RYR2: variants seen among roughly 807,000 people sequenced by gnomAD.
RYR2 encodes the protein ryanodine receptor 2, also known as cardiac muscle ryanodine receptor-calcium release channel.
Under a neutral mutation model 601.1 loss-of-function variants are expected in RYR2, and 227 were observed. The observed-to-expected ratio is 0.38, with a 90% CI of 0.34 to 0.42. The LOEUF is 0.42. Ranked by LOEUF, RYR2 falls within the 10% of genes least tolerant of loss-of-function variation. The pLI is 1.00. For synonymous variants in RYR2, 2,223 were observed against 2,175.1 expected (o/e 1.02, Z -0.61); for missense variants, 4,646 against 6,156.5 (o/e 0.75, Z 8.21).
chr1:237,211,677 C>T (rs1238528349), intron 1 of RYR2, among the ~76,000 whole-genome samples: 1 of 152,196 alleles, frequency 6.6e-6, no homozygotes, highest in Admixed American at 6.5e-5. Context: ...TTTGACAGTT[C>T]TCTGAACCAT....
intron 1 of RYR2, among the ~76,000 whole-genome samples, chr1:237,246,243 A>ATG (rs1686816242): frequency 6.6e-6 from 1 of 151,562 alleles, no homozygotes; most frequent in African/African-American, 2.4e-5. Context: ...TTACAGGTGC[A>ATG]TGCCACCAAG....
At chr1:237,333,512 T>C in intron 3 of RYR2, 1 of 434,944 alleles carries the variant, frequency 2.3e-6, no homozygotes, top group Non-Finnish European at 4.6e-6. Context: ...ACCCCTGGGG[T>C]GGTCAGGGTT....
chr1:237,098,464 G>T (rs1667725165), intron 1 of RYR2, among the ~76,000 whole-genome samples: 1 of 151,378 alleles, frequency 6.6e-6, no homozygotes, highest in African/African-American at 2.4e-5. Context: ...AATTTCAGGG[G>T]TACAATCCAG....
chr1:237,417,161 T>C (rs750790233), intron 11 of RYR2, 38 bp downstream of exon 11: 5 of 1,486,410 alleles, frequency 3.4e-6, no homozygotes, highest in Non-Finnish European at 3.8e-6. Context: ...ATGCACCAAG[T>C]GTACCAAATA....
chr1:237,264,871 T>A (rs1461399300), intron 1 of RYR2, among the ~76,000 whole-genome samples: 3 of 144,416 alleles, frequency 2.1e-5, no homozygotes, highest in Admixed American at 1.4e-4. Flanking sequence ...AATTTTTGTA[T>A]TTTTTTTTTT....
At chr1:237,726,251 A>G in intron 74 of RYR2, 22 bp from the exon 75 acceptor site, 1 of 1,531,954 alleles carries the variant, frequency 6.5e-7, no homozygotes, top group Non-Finnish European at 8.9e-7. Context: ...TTTAGCTAAC[A>G]TAACATTTTT....
intron 44 of RYR2, 32 bp downstream of exon 44, chr1:237,635,024 T>G (rs777469352): frequency 7.2e-7 from 1 of 1,388,836 alleles, no homozygotes; most frequent in South Asian, 1.5e-5. Flanking sequence ...TGTGTTTGTC[T>G]GAATTATGCT....
intron 17 of RYR2, among the ~76,000 whole-genome samples, chr1:237,470,850 G>T (rs1660639246): frequency 6.6e-6 from 1 of 151,996 alleles, no homozygotes; most frequent in Admixed American, 6.6e-5. Context: ...GAGAGAGAGG[G>T]AGAGATAGGG....
chr1:237,722,523 T>A (rs1391168723), intron 73 of RYR2, among the ~76,000 whole-genome samples: 1 of 151,620 alleles, frequency 6.6e-6, no homozygotes, highest in East Asian at 1.9e-4. Flanking sequence ...AAGCTCCGCC[T>A]CCCGGGTTCA....
chr1:237,217,406 T>C (rs1683309874), intron 1 of RYR2, among the ~76,000 whole-genome samples: 1 of 152,118 alleles, frequency 6.6e-6, no homozygotes. Flanking sequence ...AATTTTACTT[T>C]TGGATATCAG....
intron 36 of RYR2, among the ~76,000 whole-genome samples, chr1:237,611,347 G>C (rs1677847666): frequency 6.6e-6 from 1 of 152,124 alleles, no homozygotes; most frequent in South Asian, 2.1e-4. Context: ...TGAGATATTA[G>C]AGATGGAATC....
At chr1:237,437,318 CT>C (rs1707501118) in intron 12 of RYR2, among the ~76,000 whole-genome samples, 1 of 152,088 alleles carries the variant, frequency 6.6e-6, no homozygotes. Flanking sequence ...TCCTAAAGTG[CT>C]GGGATTACAG....
intron 16 of RYR2, among the ~76,000 whole-genome samples, chr1:237,458,519 T>A (rs1276252882): frequency 3.3e-5 from 5 of 152,190 alleles, no homozygotes; most frequent in African/African-American, 4.8e-5. Flanking sequence ...TGCCACTAAG[T>A]TTCACCTGTA....
At chr1:237,566,800 G>C (rs1188655472) in intron 28 of RYR2, 25 bp downstream of exon 28, 4 of 1,612,734 alleles carry the variant, frequency 2.5e-6, no homozygotes, top group East Asian at 2.2e-5. Context: ...TCCTGTGCCA[G>C]TCATCTGTAC....
chr1:237,101,047 A>G (rs959662970), intron 1 of RYR2, among the ~76,000 whole-genome samples: 1 of 152,074 alleles, frequency 6.6e-6, no homozygotes, highest in Non-Finnish European at 1.5e-5. Context: ...AAGCCGCATG[A>G]CGGTGCTTTC....
chr1:237,482,192 C>T (rs1184517460), intron 17 of RYR2, among the ~76,000 whole-genome samples: 1 of 152,052 alleles, frequency 6.6e-6, no homozygotes, highest in African/African-American at 2.4e-5. Flanking sequence ...ACAAGCAATC[C>T]AGTTACGTTC....
In RYR2 at chr1:237,589,852, G is replaced by C. The variant is rs753078642; in HGVS notation, c.3658G>C (p.Asp1220His). The change falls in exon 30 of 105, where the codon GAT becomes CAT. Residue 1220 changes from aspartate to histidine, a missense_variant. Transcript: ENST00000366574. ...AQVGRMNFGK[D>H]VSTLKYFTIC... ...AGTGGGTAGGATGAACTTTGGAAAG[G>C]ATGTCAGCACCTTGAAATATTTCAC... 6.2e-7 allele frequency: 1 copy of C among 1,613,842 alleles called. No individual in the cohort carries two copies. The highest frequency in any genetic ancestry group is 8.5e-7 in the Non-Finnish European group (1 of 1,179,862).
At chr1:237,254,987 G>T (rs960796962) in intron 1 of RYR2, among the ~76,000 whole-genome samples, 2 of 152,114 alleles carry the variant, frequency 1.3e-5, no homozygotes, top group Admixed American at 1.3e-4. Flanking sequence ...TTCTTTAACA[G>T]CCATTTCTTT....
intron 2 of RYR2, among the ~76,000 whole-genome samples, chr1:237,308,580 A>G (rs1210593998): frequency 6.6e-6 from 1 of 152,156 alleles, no homozygotes; most frequent in Non-Finnish European, 1.5e-5. Flanking sequence ...TGGTGTGTCC[A>G]GAGTTTGTTC....
Sources: gnomAD v4.1 joint callset for allele counts (sites outside exome capture counted in the v4.1 genomes callset) on GRCh38, gnomAD v4.1.1 for gene constraint, MANE v1.5 for transcripts, NCBI Gene and HGNC (gene_info 2026-07-23, HGNC 2026-07-21) for gene names.